Variants in ARHGEF38 observed in about 807,000 individuals in gnomAD.
ARHGEF38 encodes Rho guanine nucleotide exchange factor (GEF) 38.
Under a neutral mutation model 79.9 loss-of-function variants are expected in ARHGEF38, and 79 were observed. The ratio of observed to expected loss-of-function variants is 0.99; its 90% CI spans 0.82 to 1.19. The LOEUF is 1.19. Ranked by LOEUF, ARHGEF38 falls within the 50% of genes most tolerant of loss-of-function variation. The pLI is 0.00. For missense variants in ARHGEF38, 962 were observed against 907.2 expected (o/e 1.06, Z -0.78); for synonymous variants, 366 against 328.3 (o/e 1.11, Z -1.24).
intron 2 of ARHGEF38, among the ~76,000 whole-genome samples, chr4:105,599,300 C>T (rs1727720770): frequency 6.6e-6 from 1 of 152,152 alleles, no homozygotes; most frequent in Non-Finnish European, 1.5e-5. Context: ...CTTCAGTGCT[C>T]TCTAATTTTT....
intron 10 of ARHGEF38, among the ~76,000 whole-genome samples, chr4:105,661,657 A>T (rs1033855838): frequency 3.3e-5 from 5 of 152,070 alleles, no homozygotes; most frequent in Non-Finnish European, 5.9e-5. Context: ...TGAACTGCAC[A>T]TCTCAATCAA....
Position 105,679,772 on chromosome 4 carries a change from C to T in ARHGEF38, c.*1835C>T. On this transcript the variant is annotated 3_prime_UTR_variant, in exon 14 of 14. Transcript: ENST00000420470. Reference sequence around the variant, plus strand: ...TTCTCTTGGTTGATAAAAACATATACAAACCCCTGTCTGTCCAGCTTTACC... The same window carrying T: ...TTCTCTTGGTTGATAAAAACATATATAAACCCCTGTCTGTCCAGCTTTACC... 1 of 963,982 alleles carries T rather than the reference C, an allele frequency of 1.0e-6. No individual in the cohort carries two copies. The highest frequency in any genetic ancestry group is 1.7e-6 in the Non-Finnish European group (1 of 595,336). 59.7% of individuals were successfully genotyped at this position (963,982 alleles called of 1,614,324 possible).
In ARHGEF38 at chr4:105,571,446, C is replaced by T. The variant is rs751877576; in HGVS notation, c.197-17802C>T. 4.8e-4 allele frequency among the ~76,000 whole-genome samples: 73 copies of T among 151,422 alleles called. 1 individual carries two copies. The highest frequency in any genetic ancestry group is 1.3e-4 in the Non-Finnish European group (9 of 67,884). On this transcript the variant is annotated intron_variant, in intron 1 of 13. Transcript: ENST00000420470. ...CTCGCCATTCTCCTGCCTCAGCCTC[C>T]GGAGTAGCTGGGATTACAGGCGCCC...
At chr4:105,584,560 G>C (rs1330972982) in intron 1 of ARHGEF38, among the ~76,000 whole-genome samples, 1 of 152,166 alleles carries the variant, frequency 6.6e-6, no homozygotes, top group Admixed American at 6.5e-5. Context: ...TAGTGGTGGA[G>C]TTTGAACCCA....
At chr4:105,676,043 C>CA (rs1403829443) in intron 13 of ARHGEF38, among the ~76,000 whole-genome samples, 1 of 152,138 alleles carries the variant, frequency 6.6e-6, no homozygotes, top group Middle Eastern at 3.2e-3. Flanking sequence ...ATCAATATCC[C>CA]AATCAATTGA....
chr4:105,662,660 CTT>C (rs1224715116), intron 10 of ARHGEF38, among the ~76,000 whole-genome samples: 4 of 152,068 alleles, frequency 2.6e-5, no homozygotes, highest in Non-Finnish European at 5.9e-5. Flanking sequence ...AAAATAATCT[CTT>C]GTTACTGCTT....
rs1729192482 is a variant in ARHGEF38 at position 105,631,499 on chromosome 4, A to C, written c.656+454A>C. 28 of 985,568 alleles carry C rather than the reference A, an allele frequency of 2.8e-5. No individual in the cohort carries two copies. In the South Asian group the frequency reaches 1.3e-3, roughly 45 times the overall value. The allele number at this position is 985,568 out of a possible 1,614,324, so 61.1% of individuals were successfully genotyped here. On this transcript the variant is annotated intron_variant, in intron 4 of 13. Coordinates refer to ENST00000420470, the MANE Select transcript of ARHGEF38 (RefSeq NM_001242729.2). ...TCACTGTGGGGAGATGGGTGAAGACAAGTCAGGCCTTGTTAAAGTTAGTTT... is the reference window on the plus strand; with the variant it reads ...TCACTGTGGGGAGATGGGTGAAGACCAGTCAGGCCTTGTTAAAGTTAGTTT...
At chr4:105,599,393 T>A (rs1727726363) in intron 2 of ARHGEF38, among the ~76,000 whole-genome samples, 1 of 152,186 alleles carries the variant, frequency 6.6e-6, no homozygotes, top group Non-Finnish European at 1.5e-5. Context: ...AGTGCAGGAT[T>A]TGGGATGCCC....
At chr4:105,582,740 T>G (rs1244934653) in intron 1 of ARHGEF38, among the ~76,000 whole-genome samples, 1 of 152,192 alleles carries the variant, frequency 6.6e-6, no homozygotes. Context: ...CTGACAGTTA[T>G]GTTTAAAATA....
At chr4:105,682,522 A>G (rs1378376981), downstream of ARHGEF38, 2 of 480,086 alleles carry the variant, frequency 4.2e-6, no homozygotes, top group African/African-American at 1.9e-5. Context: ...GTTTTCACAC[A>G]CTATGGAAAT....
intron 13 of ARHGEF38, among the ~76,000 whole-genome samples, chr4:105,667,985 A>G (rs562480261): frequency 6.6e-6 from 1 of 152,194 alleles, no homozygotes; most frequent in African/African-American, 2.4e-5. Context: ...CTGCTGTTAC[A>G]TACTTACAGC....
chr4:105,605,901 T>G (rs1303355638), intron 2 of ARHGEF38, among the ~76,000 whole-genome samples: 3 of 152,186 alleles, frequency 2.0e-5, no homozygotes, highest in Non-Finnish European at 2.9e-5. Flanking sequence ...CCTCTCAGAA[T>G]GTCCCCAGTG....
chr4:105,600,709 C>T (rs11730082), intron 2 of ARHGEF38, among the ~76,000 whole-genome samples: 17,658 of 152,156 alleles, frequency 0.12, 1,091 homozygotes, highest in Middle Eastern at 0.2. Flanking sequence ...AAGCCATCTC[C>T]AATTTAACAT....
At chr4:105,560,486 G>A (rs2110395242) in intron 1 of ARHGEF38, among the ~76,000 whole-genome samples, 1 of 152,320 alleles carries the variant, frequency 6.6e-6, no homozygotes, top group East Asian at 1.9e-4. Flanking sequence ...ATGGAATTAT[G>A]TGTGGGAAAC....
At chr4:105,620,824 AT>A (rs869076523) in intron 3 of ARHGEF38, among the ~76,000 whole-genome samples, 49 of 144,558 alleles carry the variant, frequency 3.4e-4, no homozygotes, top group African/African-American at 1.0e-3. Context: ...ACATTGTTAT[AT>A]GAGTCTAGTG....
rs1460548015 is a variant in ARHGEF38, at chr4:105,659,230, C to T, written c.1410C>T (p.Asn470=). The stretch of plus-strand genomic sequence containing the variant: ...CCAAAAAGGAGTATGAGGCCCTCAA[C>T]GCCCAGCTTGTGGAGGAGCTCCAGG... ...DLAKKEYEAL[N]AQLVEELQAF... is the part of the protein sequence containing the mutation. Residue 470 remains asparagine (N), a synonymous_variant, in exon 10 of 14, where the codon AAC becomes AAT. Transcript: ENST00000420470. 10 of 1,536,028 alleles carry T rather than the reference C, an allele frequency of 6.5e-6. No individual in the cohort carries two copies. The highest frequency in any genetic ancestry group is 3.9e-5 in the Admixed American group (2 of 50,978).
At position 105,659,348 on chromosome 4, in the gene ARHGEF38, T is replaced by C. The variant is rs1349470274; in HGVS notation, c.1528T>C (p.Tyr510His). ...RDLMLVAQQA[Y>H]STLVPMPLLV... ...CCTGATGCTCGTGGCACAGCAGGCT[T>C]ACTCCACACTTGTGCCGGTAAGCAC... The change falls in exon 10 of 14, where the codon TAC becomes CAC. Residue 510 changes from tyrosine (Y) to histidine (H), a missense_variant. Tyr to His is a moderately conservative substitution (Grantham distance 83, BLOSUM62 2). Transcript: ENST00000420470. 4 of 1,534,828 alleles carry C rather than the reference T, an allele frequency of 2.6e-6. No homozygotes were observed. The highest frequency in any genetic ancestry group is 3.5e-6 in the Non-Finnish European group (4 of 1,146,590).
intron 2 of ARHGEF38, among the ~76,000 whole-genome samples, chr4:105,593,126 A>G (rs374198298): frequency 2.0e-5 from 3 of 152,224 alleles, no homozygotes; most frequent in East Asian, 1.9e-4. Context: ...CTATTTTAAA[A>G]TTAAATATAA....
chr4:105,628,850 G>T (rs1729063845), intron 3 of ARHGEF38, among the ~76,000 whole-genome samples: 1 of 152,070 alleles, frequency 6.6e-6, no homozygotes, highest in South Asian at 2.1e-4. Context: ...AATTAGAAAA[G>T]AATGTGATAC....
Sources: allele counts gnomAD v4.1 joint callset (sites outside exome capture counted in the v4.1 genomes callset), GRCh38; gene constraint gnomAD v4.1.1; transcripts MANE v1.5; gene names NCBI Gene and HGNC (gene_info 2026-07-23, HGNC 2026-07-21).